The following ZNF814 variants were observed in gnomAD, a reference collection of about 807,000 sequenced individuals.
ZNF814 encodes zinc finger protein 814.
In ZNF814, 5 loss-of-function variants were observed where a neutral mutation model predicts 7.5. The ratio of observed to expected loss-of-function variants is 0.67; its 90% confidence interval spans 0.35 to 1.40. The LOEUF (loss-of-function observed/expected upper bound fraction) is 1.40, where lower values mean the gene tolerates loss of function less well. Among genes scored for constraint, ZNF814 ranks in the 40% most tolerant of loss-of-function variants. The probability of loss-of-function intolerance (pLI) is 0.04; values close to 1 mark genes in which losing one functional copy is unlikely to be tolerated. For synonymous variants in ZNF814, 315 were observed against 340.7 expected (o/e 0.92, Z 0.83); for missense variants, 962 against 1,018.0 (o/e 0.94, Z 0.75).
Position 57,872,939 on chromosome 19 carries a change from T to C in ZNF814, c.2451A>G (p.Lys817=). 6.2e-7 allele frequency: 1 copy of C among 1,613,920 alleles called. No individual in the cohort carries two copies. The change falls in exon 3 of 3, where the codon AAA becomes AAG. Residue 817 remains lysine, a synonymous_variant. Transcript: ENST00000435989. ...KSFAESSSLT[K]HKRVHTGEKP... ...TTTCTCCAGTGTGAACTCTCTTGTGTTTAGTGAGACTGGAGCTTTCAGCAA... is the reference window on the plus strand; with the variant it reads ...TTTCTCCAGTGTGAACTCTCTTGTGCTTAGTGAGACTGGAGCTTTCAGCAA...
In ZNF814 at chr19:57,878,163, T is replaced by C. The variant is rs935073104; in HGVS notation, c.37-1121A>G. On this transcript the variant is annotated intron_variant, in intron 1 of 2. Coordinates refer to ENST00000435989, the MANE Select transcript of ZNF814 (RefSeq NM_001144989.2). The stretch of plus-strand genomic sequence containing the variant: ...CCTGGGCAACAAGAGCAAAACTCTG[T>C]CTCAAAAAAAAAAAAAAAAAAAAAA... 4.4e-5 allele frequency among the ~76,000 whole-genome samples: 4 copies of C among 89,992 alleles called. No individual in the cohort carries two copies. The East Asian group carries it at 9.9e-4, about 22-fold the overall frequency. The allele number at this position is 89,992 out of a possible 152,430, so 59.0% of individuals were successfully genotyped here.
rs1314699736 is a variant in ZNF814, at chr19:57,869,506, T to C, written c.*3316A>G. The C allele has an allele frequency of 6.6e-6, 1 of 152,102 alleles. No individual in the cohort carries two copies. Among genetic ancestry groups the C allele is most frequent in the Non-Finnish European group, 1.5e-5 (1 of 68,028 alleles). The allele number at this position is 152,102 out of a possible 1,614,324, so 9.4% of individuals were successfully genotyped here. A position where few individuals can be genotyped will look rare whatever the true frequency, so the allele number is the denominator to read the frequency against. ...AGAAAGAAAGCCTTTATAAAAAGGTTCCAAGTAAATATAAAGGTGTTAAGT... is the reference window on the plus strand; with the variant it reads ...AGAAAGAAAGCCTTTATAAAAAGGTCCCAAGTAAATATAAAGGTGTTAAGT... On this transcript the variant is annotated 3_prime_UTR_variant, in exon 3 of 3. Coordinates refer to ENST00000435989, the MANE Select transcript of ZNF814 (RefSeq NM_001144989.2).
intron 1 of ZNF814, among the ~76,000 whole-genome samples, chr19:57,878,777 T>A (rs115441892): frequency 0.031 from 4,742 of 151,918 alleles, 238 homozygotes; most frequent in African/African-American, 0.11. Context: ...TACTTAAGAG[T>A]GTGAAGTGGC....
At chr19:57,899,551 T>G in the ZNF814 span, among the ~76,000 whole-genome samples, 2 of 152,212 alleles carry the variant, frequency 1.3e-5, no homozygotes, top group African/African-American at 2.4e-5. Flanking sequence ...TTGTCCAACT[T>G]TAGGCATTCC....
rs189110714 is a variant in ZNF814, at chr19:57,884,270, G to C, written c.36+4497C>G. Among the ~76,000 whole-genome samples the C allele has an allele frequency of 2.4e-3, 362 of 152,204 alleles. 1 individual carries two copies. The highest frequency in any genetic ancestry group is 4.1e-3 in the Non-Finnish European group (276 of 68,006). On this transcript the variant is annotated intron_variant, in intron 1 of 2. Coordinates refer to ENST00000435989, the MANE Select transcript of ZNF814 (RefSeq NM_001144989.2). ...ATATAGAGTTCAAACAACTCTATAG[G>C]AAAAACCCTTAATAATCCCATTTAA... is the stretch of plus-strand genomic sequence containing the variant.
At chr19:57,888,428 C>G (rs1171442772) in intron 1 of ZNF814, among the ~76,000 whole-genome samples, 1 of 152,196 alleles carries the variant, frequency 6.6e-6, no homozygotes, top group Non-Finnish European at 1.5e-5. Context: ...CTTCGAAAAT[C>G]TCCATGCCTT....
chr19:57,877,443 T>TTTTG (rs747891949), intron 1 of ZNF814, among the ~76,000 whole-genome samples: 6 of 152,048 alleles, frequency 3.9e-5, no homozygotes, highest in Admixed American at 6.6e-5. Context: ...AAGTATATTT[T>TTTTG]TTTGTTTGTT....
chr19:57,894,250 C>T, the ZNF814 span, among the ~76,000 whole-genome samples: 2 of 150,998 alleles, frequency 1.3e-5, no homozygotes, highest in Non-Finnish European at 1.5e-5. Context: ...GCTGTAGTCC[C>T]AGCTGCTCAG....
intron 1 of ZNF814, among the ~76,000 whole-genome samples, chr19:57,879,795 C>G (rs891407521): frequency 9.2e-5 from 12 of 130,110 alleles, no homozygotes; most frequent in African/African-American, 3.5e-4. Context: ...CTGCTAAGGC[C>G]AAAAACCCTA....
chr19:57,877,457 T>C (rs765455363), intron 1 of ZNF814, among the ~76,000 whole-genome samples: 7 of 152,156 alleles, frequency 4.6e-5, no homozygotes, highest in Non-Finnish European at 1.0e-4. Context: ...GTTTGTTTGT[T>C]TGTTTGAGAC....
At chr19:57,899,650 G>A in the ZNF814 span, among the ~76,000 whole-genome samples, 3 of 152,136 alleles carry the variant, frequency 2.0e-5, no homozygotes, top group African/African-American at 7.2e-5. Context: ...GGCATTAGGG[G>A]AACTTCAATT....
At chr19:57,900,886 C>T in the ZNF814 span, among the ~76,000 whole-genome samples, 21 of 96,042 alleles carry the variant, frequency 2.2e-4, no homozygotes, top group Admixed American at 3.0e-4. Flanking sequence ...CTTGCTCTGT[C>T]GCCCAGGCTG....
At chr19:57,885,251 G>T (rs2071680621) in intron 1 of ZNF814, among the ~76,000 whole-genome samples, 1 of 151,846 alleles carries the variant, frequency 6.6e-6, no homozygotes, top group Admixed American at 6.6e-5. Context: ...GAACCCAGGA[G>T]GCGGAGGTTG....
intron 1 of ZNF814, among the ~76,000 whole-genome samples, chr19:57,883,316 C>T (rs140089558): frequency 0.056 from 8,265 of 147,622 alleles, 305 homozygotes; most frequent in Middle Eastern, 0.082. Flanking sequence ...GCTGAGATCA[C>T]GCCACTGCAC....
the ZNF814 span, among the ~76,000 whole-genome samples, chr19:57,903,848 G>A: frequency 1.3e-5 from 2 of 152,110 alleles, no homozygotes; most frequent in African/African-American, 4.8e-5. Context: ...GGACAAAAAA[G>A]GGAGACATGT....
chr19:57,883,879 T>C (rs2071668554), intron 1 of ZNF814, among the ~76,000 whole-genome samples: 1 of 151,816 alleles, frequency 6.6e-6, no homozygotes, highest in South Asian at 2.1e-4. Flanking sequence ...TGCCTCAGCT[T>C]CCGAGTAGCT....
Position 57,887,583 on chromosome 19 carries a change from C to G in ZNF814, c.36+1184G>C, listed in dbSNP as rs529874610. ...TTTTGCTCTCTTAATCACCTAGCCT[C>G]GTTTCCACATGAATAGACTCTCGCT... On this transcript the variant is annotated intron_variant, in intron 1 of 2. Coordinates refer to ENST00000435989, the MANE Select transcript of ZNF814 (RefSeq NM_001144989.2). 3.3e-5 allele frequency among the ~76,000 whole-genome samples: 5 copies of G among 152,200 alleles called. 1 individual carries two copies. The East Asian group carries it at 9.6e-4, about 29-fold the overall frequency.
chr19:57,883,155 G>A (rs909058889), intron 1 of ZNF814, among the ~76,000 whole-genome samples: 10 of 151,738 alleles, frequency 6.6e-5, no homozygotes, highest in South Asian at 2.1e-4. Context: ...TCAGGAGATC[G>A]AGACCATCCT....
chr19:57,894,914 A>G, the ZNF814 span, among the ~76,000 whole-genome samples: 3 of 152,162 alleles, frequency 2.0e-5, no homozygotes, highest in Non-Finnish European at 4.4e-5. Context: ...TGAATACGCA[A>G]TTTTAGAAAC....
Sources: allele counts gnomAD v4.1 joint callset (sites outside exome capture counted in the v4.1 genomes callset), GRCh38; gene constraint gnomAD v4.1.1; transcripts MANE v1.5; gene names NCBI Gene and HGNC (gene_info 2026-07-23, HGNC 2026-07-21).